KCNK9: variants seen among roughly 807,000 people sequenced by gnomAD.
The protein encoded by KCNK9 is potassium channel subfamily K member 9.
A neutral mutation model predicts 10.8 loss-of-function variants in KCNK9; 1 was observed. The ratio of observed to expected loss-of-function variants is 0.09; its 90% CI spans 0.03 to 0.44. The LOEUF is 0.44. Among genes scored for constraint, KCNK9 ranks in the 20% least tolerant of loss-of-function variants. The pLI, the probability that KCNK9 is intolerant of heterozygous loss-of-function variation, is 0.97. For missense variants in KCNK9, 303 were observed against 515.0 expected, an observed-to-expected ratio of 0.59 and a Z score of 3.98; for synonymous variants, 231 against 222.7, an observed-to-expected ratio of 1.04 and a Z score of -0.33.
At chr8:139,640,481 C>T (rs1352026399) in intron 1 of KCNK9, among the ~76,000 whole-genome samples, 1 of 152,222 alleles carries the variant, frequency 6.6e-6, no homozygotes, top group Non-Finnish European at 1.5e-5. Flanking sequence ...CCCCTAGCCA[C>T]CCTAGATTGG....
intron 1 of KCNK9, among the ~76,000 whole-genome samples, chr8:139,660,933 G>A (rs1816136949): frequency 6.6e-6 from 1 of 152,240 alleles, no homozygotes. Flanking sequence ...TCTGGCCATG[G>A]GAGCATCCTC....
At chr8:139,644,112 G>A (rs1394874635) in intron 1 of KCNK9, among the ~76,000 whole-genome samples, 1 of 152,220 alleles carries the variant, frequency 6.6e-6, no homozygotes, top group Non-Finnish European at 1.5e-5. Flanking sequence ...TGCAGGAAGG[G>A]CTTTCCAGGC....
intron 1 of KCNK9, among the ~76,000 whole-genome samples, chr8:139,646,275 G>A (rs925137993): frequency 3.9e-5 from 6 of 152,222 alleles, no homozygotes; most frequent in Non-Finnish European, 4.4e-5. Flanking sequence ...CCAGCTGTGC[G>A]CTGGTTCCAT....
chr8:139,684,110 C>T (rs555737033), intron 1 of KCNK9, among the ~76,000 whole-genome samples: 16 of 152,196 alleles, frequency 1.1e-4, no homozygotes, highest in Non-Finnish European at 2.4e-4. Context: ...AGAGACCACA[C>T]CATCACTCAC....
chr8:139,629,822 C>T (rs77569057), intron 1 of KCNK9, among the ~76,000 whole-genome samples: 1 of 152,314 alleles, frequency 6.6e-6, no homozygotes, highest in East Asian at 1.9e-4. Context: ...TGGATGAGGG[C>T]TTCACTCATG....
chr8:139,640,384 A>C (rs891961521), intron 1 of KCNK9, among the ~76,000 whole-genome samples: 2 of 152,162 alleles, frequency 1.3e-5, no homozygotes, highest in Non-Finnish European at 2.9e-5. Flanking sequence ...AACCAAGTTG[A>C]GTAAGGCTGC....
intron 1 of KCNK9, among the ~76,000 whole-genome samples, chr8:139,699,016 C>T (rs979858775): frequency 1.3e-5 from 2 of 152,148 alleles, no homozygotes; most frequent in Non-Finnish European, 2.9e-5. Flanking sequence ...GGAAATACTG[C>T]CCCTGATGTA....
At chr8:139,669,481 G>T (rs1816378052) in intron 1 of KCNK9, among the ~76,000 whole-genome samples, 1 of 152,178 alleles carries the variant, frequency 6.6e-6, no homozygotes, top group Admixed American at 6.5e-5. Flanking sequence ...TCTTCACCAG[G>T]AGAAGATTCC....
intron 1 of KCNK9, among the ~76,000 whole-genome samples, chr8:139,690,726 A>T (rs1233669655): frequency 6.6e-6 from 1 of 152,112 alleles, no homozygotes; most frequent in South Asian, 2.1e-4. Flanking sequence ...TGGAGACCAC[A>T]TCAAGCTTGA....
At chr8:139,633,110 G>A (rs1235971248) in intron 1 of KCNK9, among the ~76,000 whole-genome samples, 1 of 151,952 alleles carries the variant, frequency 6.6e-6, no homozygotes, top group East Asian at 1.9e-4. Flanking sequence ...TGTGCACATA[G>A]ACACAGGTAC....
intron 1 of KCNK9, among the ~76,000 whole-genome samples, chr8:139,681,445 T>C (rs1332156555): frequency 6.6e-6 from 1 of 152,194 alleles, no homozygotes; most frequent in East Asian, 1.9e-4. Context: ...CAGAGCCCCA[T>C]GCCCAGAGCT....
At chr8:139,664,783 T>C (rs1012827480) in intron 1 of KCNK9, among the ~76,000 whole-genome samples, 2 of 152,200 alleles carry the variant, frequency 1.3e-5, no homozygotes, top group Non-Finnish European at 2.9e-5. Context: ...GAGTCCTCAG[T>C]CACTGGAACT....
In KCNK9 at chr8:139,629,086, A is replaced by T. The variant is rs1815079067; in HGVS notation, c.284-9987T>A. On this transcript the variant is annotated intron_variant, in intron 1 of 1. Transcript: ENST00000520439. ...CCATGGGCCCCAGTCCCTTCTCATT[A>T]TGAGGACCCAGCCGAGATTAAATGA... Among the ~76,000 whole-genome samples, 3 of 152,218 alleles carry T rather than the reference A, an allele frequency of 2.0e-5. No homozygotes were observed. In the South Asian group the frequency reaches 6.2e-4, roughly 32 times the overall value.
intron 1 of KCNK9, among the ~76,000 whole-genome samples, chr8:139,691,984 C>G (rs1390224716): frequency 1.3e-5 from 2 of 152,200 alleles, no homozygotes; most frequent in Admixed American, 1.3e-4. Flanking sequence ...TAGAAAGAAG[C>G]AGGCTCAGCT....
At chr8:139,606,312 A>C (rs1380098385) in intron 2 of KCNK9, among the ~76,000 whole-genome samples, 2 of 152,106 alleles carry the variant, frequency 1.3e-5, no homozygotes, top group African/African-American at 2.4e-5. Flanking sequence ...GCATCTTCAT[A>C]AGAACCAAAC....
At chr8:139,675,327 C>T (rs145568521) in intron 1 of KCNK9, among the ~76,000 whole-genome samples, 16 of 152,344 alleles carry the variant, frequency 1.1e-4, no homozygotes, top group African/African-American at 2.2e-4. Flanking sequence ...ACGTATTCCA[C>T]GCTCTGCAGT....
At chr8:139,649,185 G>C (rs964531012) in intron 1 of KCNK9, among the ~76,000 whole-genome samples, 3 of 152,162 alleles carry the variant, frequency 2.0e-5, no homozygotes, top group Non-Finnish European at 4.4e-5. Flanking sequence ...AAGATGGATG[G>C]ACTCCGGTTA....
At chr8:139,615,505 G>A (rs1294239439), downstream of KCNK9, among the ~76,000 whole-genome samples, 1 of 152,074 alleles carries the variant, frequency 6.6e-6, no homozygotes, top group Non-Finnish European at 1.5e-5. Context: ...CCACAGCAGG[G>A]GGAAGAGATG....
In KCNK9 at chr8:139,605,509, A is replaced by G. The variant is rs7817455; in HGVS notation, c.*1-3908T>C. ...GAGGAAGACCAAGAGCAAACAGGGTATACAGCCAGGACTGTCCACCTTGCA... is the reference window on the plus strand; with the variant it reads ...GAGGAAGACCAAGAGCAAACAGGGTGTACAGCCAGGACTGTCCACCTTGCA... On this transcript the variant is annotated intron_variant, in intron 2 of 2. Coordinates refer to the KCNK9 transcript ENST00000650269. Among the ~76,000 whole-genome samples the G allele has an allele frequency of 3.0e-3, 460 of 152,318 alleles. 4 individuals carry two copies. The highest frequency in any genetic ancestry group is 0.011 in the African/African-American group (450 of 41,578).
Sources: allele counts gnomAD v4.1 joint callset (sites outside exome capture counted in the v4.1 genomes callset), GRCh38; gene constraint gnomAD v4.1.1; transcripts MANE v1.5; gene names NCBI Gene and HGNC (gene_info 2026-07-23, HGNC 2026-07-21).